The following FOXJ3 variants were observed in gnomAD, a reference collection of about 807,000 sequenced individuals.
FOXJ3 encodes forkhead box protein J3.
Under a neutral mutation model 76.1 loss-of-function variants are expected in FOXJ3, and 22 were observed. That is an observed-to-expected ratio of 0.29 (90% CI 0.21 to 0.41). The LOEUF (loss-of-function observed/expected upper bound fraction) is 0.41, where lower values mean the gene tolerates loss of function less well. Ranked by LOEUF, FOXJ3 falls within the 10% of genes least tolerant of loss-of-function variation. The probability of loss-of-function intolerance (pLI) is 1.00; values close to 1 mark genes in which losing one functional copy is unlikely to be tolerated. For missense variants in FOXJ3, 613 were observed against 762.1 expected (o/e 0.80, Z 2.30); for synonymous variants, 269 against 261.2 (o/e 1.03, Z -0.29).
chr1:42,245,987 T>C (rs148635464), intron 4 of FOXJ3, among the ~76,000 whole-genome samples: 13 of 152,104 alleles, frequency 8.5e-5, no homozygotes, highest in Non-Finnish European at 1.6e-4. Context: ...TGCTCCTATA[T>C]CTCACCATAA....
intron 3 of FOXJ3, among the ~76,000 whole-genome samples, chr1:42,275,382 TGTAAGAATATGAATA>T (rs1333405665): frequency 1.3e-5 from 2 of 152,146 alleles, no homozygotes; most frequent in Non-Finnish European, 2.9e-5. Flanking sequence ...TTAATTCCTA[TGTAAGAATATGAATA>T]TAACATGTGC....
At chr1:42,304,534 G>A (rs541305072) in intron 2 of FOXJ3, among the ~76,000 whole-genome samples, 15 of 152,216 alleles carry the variant, frequency 9.9e-5, no homozygotes, top group East Asian at 1.9e-4. Context: ...AAAACAGTAC[G>A]GTACTGGCAT....
At chr1:42,183,294 G>T (rs1394007070) in intron 11 of FOXJ3, among the ~76,000 whole-genome samples, 2 of 103,108 alleles carry the variant, frequency 1.9e-5, no homozygotes, top group Non-Finnish European at 3.8e-5. Flanking sequence ...TGGAGCGGAG[G>T]GGGCGGGGCG....
At chr1:42,248,241 A>C (rs923469110) in intron 4 of FOXJ3, among the ~76,000 whole-genome samples, 1 of 152,200 alleles carries the variant, frequency 6.6e-6, no homozygotes, top group Admixed American at 6.5e-5. Flanking sequence ...TACACTTTTA[A>C]AAGACAACAT....
At chr1:42,189,480 C>G in intron 9 of FOXJ3, 76 bp from the exon 10 acceptor site, 1 of 1,024,776 alleles carries the variant, frequency 9.8e-7, no homozygotes, top group Admixed American at 1.9e-5. Flanking sequence ...GATGAGCTGC[C>G]CTTATTCCTG....
intron 4 of FOXJ3, among the ~76,000 whole-genome samples, chr1:42,230,801 A>T (rs935928731): frequency 6.6e-6 from 1 of 152,102 alleles, no homozygotes; most frequent in Non-Finnish European, 1.5e-5. Flanking sequence ...GGCAATTCCT[A>T]AAAAAATTAA....
intron 1 of FOXJ3, among the ~76,000 whole-genome samples, chr1:42,326,226 G>C (rs892620140): frequency 6.6e-6 from 1 of 152,088 alleles, no homozygotes; most frequent in Non-Finnish European, 1.5e-5. Flanking sequence ...ACCCCAGCCT[G>C]GGAGACGGAG....
At position 42,225,023 on chromosome 1, in the gene FOXJ3, A is replaced by G. The variant is rs1014567150; in HGVS notation, c.528+2860T>C. 2.0e-5 allele frequency among the ~76,000 whole-genome samples: 3 copies of G among 151,484 alleles called. No homozygotes were observed. In the South Asian group the frequency reaches 6.3e-4, roughly 32 times the overall value. ...GGCCCGGGAGGTAGAGGCTGCAGTAAGCCAGCAGCACCACTGCACTCTAGC... is the reference window on the plus strand; with the variant it reads ...GGCCCGGGAGGTAGAGGCTGCAGTAGGCCAGCAGCACCACTGCACTCTAGC... On this transcript the variant is annotated intron_variant, in intron 5 of 12. Transcript: ENST00000361346.
In FOXJ3 at chr1:42,237,427, T is replaced by TATATATATAC. The variant is rs1166082659; in HGVS notation, c.445-9462_445-9461insGTATATATAT. 1.7e-3 allele frequency among the ~76,000 whole-genome samples: 221 copies of TATATATATAC among 129,914 alleles called. 2 individuals are homozygous for TATATATATAC. In the Middle Eastern group the frequency reaches 0.02, roughly 12 times the overall value. The allele number at this position is 129,914 out of a possible 152,430, so 85.2% of individuals were successfully genotyped here. A position where few individuals can be genotyped will look rare whatever the true frequency, so the allele number is the denominator to read the frequency against. On this transcript the variant is annotated intron_variant, in intron 4 of 12. Transcript: ENST00000361346. Reference sequence around the variant, plus strand: ...ATACATATATATATATATATATATATACATACATACATATATATATATACA... The same window carrying TATATATATAC: ...ATACATATATATATATATATATATATATATATATACACATACATACATATATATATATACA...
At chr1:42,333,569 A>T (rs1421965305) in intron 1 of FOXJ3, among the ~76,000 whole-genome samples, 2 of 152,224 alleles carry the variant, frequency 1.3e-5, no homozygotes, top group Non-Finnish European at 2.9e-5. Context: ...TATAATATAT[A>T]CCACTCAGAA....
chr1:42,306,302 T>TC (rs1180042329), intron 2 of FOXJ3, among the ~76,000 whole-genome samples: 1 of 127,196 alleles, frequency 7.9e-6, no homozygotes, highest in Non-Finnish European at 1.6e-5. Flanking sequence ...TTTTTTCTTT[T>TC]TTTTTTTTTT....
In FOXJ3 at chr1:42,272,225, C is replaced by G. The variant is rs183580291; in HGVS notation, c.369+6123G>C. 2.2e-4 allele frequency among the ~76,000 whole-genome samples: 33 copies of G among 152,346 alleles called. 1 individual carries two copies. Among genetic ancestry groups the G allele is most frequent in the Admixed American group, 1.4e-3 (22 of 15,308 alleles). On this transcript the variant is annotated intron_variant, in intron 3 of 12. Transcript: ENST00000361346. ...CTCTTCAACCAATACAAGCTAACTTCACAAGCTCTAAGTGACCTCCCATTT... is the reference window on the plus strand; with the variant it reads ...CTCTTCAACCAATACAAGCTAACTTGACAAGCTCTAAGTGACCTCCCATTT...
At position 42,311,114 on chromosome 1, in the gene FOXJ3, A is replaced by T. The variant is rs1654781406; in HGVS notation, c.-17-4T>A. The T allele has an allele frequency of 6.3e-7, 1 of 1,586,858 alleles. No homozygotes were observed. Among genetic ancestry groups the T allele is most frequent in the African/African-American group, 1.4e-5 (1 of 73,346 alleles). On this transcript the variant is annotated splice_region_variant and splice_polypyrimidine_tract_variant and intron_variant, in intron 1 of 12. Coordinates refer to ENST00000361346, the MANE Select transcript of FOXJ3 (RefSeq NM_014947.5). ...CCCATCTGGCCACAAAGAGAATCTG[A>T]AAAGCAAAGAAGAGTTAGTTATCAG...
intron 2 of FOXJ3, among the ~76,000 whole-genome samples, chr1:42,290,618 C>T (rs550051590): frequency 6.0e-4 from 92 of 152,200 alleles, no homozygotes; most frequent in Non-Finnish European, 9.9e-4. Flanking sequence ...TTTAAAAGAT[C>T]CCACATTTTT....
chr1:42,236,759 A>G (rs1439872032), intron 4 of FOXJ3, among the ~76,000 whole-genome samples: 2 of 152,110 alleles, frequency 1.3e-5, no homozygotes, highest in Non-Finnish European at 2.9e-5. Context: ...CTGTGAAACT[A>G]TTTTCCACTC....
intron 4 of FOXJ3, among the ~76,000 whole-genome samples, chr1:42,234,638 G>A (rs1023795092): frequency 6.6e-6 from 1 of 152,176 alleles, no homozygotes; most frequent in Admixed American, 6.5e-5. Context: ...CTCAGCTGCA[G>A]GTCTGTTAGA....
At chr1:42,235,751 C>T (rs932167921) in intron 4 of FOXJ3, among the ~76,000 whole-genome samples, 3 of 152,004 alleles carry the variant, frequency 2.0e-5, no homozygotes, top group African/African-American at 4.8e-5. Context: ...TTAGTTGAGA[C>T]GAGGTTTCAC....
intron 5 of FOXJ3, among the ~76,000 whole-genome samples, chr1:42,216,559 A>C (rs1647073123): frequency 6.6e-6 from 1 of 152,198 alleles, no homozygotes; most frequent in South Asian, 2.1e-4. Flanking sequence ...TAAGTTTAAA[A>C]AGTCACATAA....
chr1:42,303,290 T>A (rs1654269446), intron 2 of FOXJ3, among the ~76,000 whole-genome samples: 1 of 152,004 alleles, frequency 6.6e-6, no homozygotes, highest in Non-Finnish European at 1.5e-5. Flanking sequence ...GAAGTAAGGA[T>A]AATAATGGTA....
Sources: allele counts gnomAD v4.1 joint callset (sites outside exome capture counted in the v4.1 genomes callset), GRCh38; gene constraint gnomAD v4.1.1; transcripts MANE v1.5; gene names NCBI Gene and HGNC (gene_info 2026-07-23, HGNC 2026-07-21).